Variants in CBFA2T2 observed in about 807,000 individuals in gnomAD.
The protein encoded by CBFA2T2 is protein CBFA2T2.
In CBFA2T2, 11 loss-of-function variants were observed where a neutral mutation model predicts 62.2. The ratio of observed to expected loss-of-function variants is 0.18; its 90% confidence interval spans 0.11 to 0.29. The LOEUF is 0.29. Among genes scored for constraint, CBFA2T2 ranks in the 10% least tolerant of loss-of-function variants. The probability of loss-of-function intolerance (pLI) is 1.00; values close to 1 mark genes in which losing one functional copy is unlikely to be tolerated. For synonymous variants in CBFA2T2, 295 were observed against 287.5 expected, an observed-to-expected ratio of 1.03 and a Z score of -0.27; for missense variants, 592 against 774.1, an observed-to-expected ratio of 0.76 and a Z score of 2.79.
rs190151757 is a variant in CBFA2T2, at chr20:33,586,320, A to G, written c.35-20636A>G. Among the ~76,000 whole-genome samples the G allele has an allele frequency of 3.1e-3, 466 of 152,266 alleles. 2 individuals are homozygous for G. The highest frequency in any genetic ancestry group is 9.0e-3 in the African/African-American group (372 of 41,558). ...CAGCCTCCTGAGTAGCTGGGACTAC[A>G]GGGACGGGGTTTCACTGTGTTGTTC... On this transcript the variant is annotated intron_variant, in intron 1 of 10. Coordinates refer to ENST00000342704, the MANE Select transcript of CBFA2T2 (RefSeq NM_001032999.3).
chr20:33,574,152 C>G, intron 1 of CBFA2T2: 1 of 1,600,394 alleles, frequency 6.2e-7, no homozygotes, highest in Non-Finnish European at 8.5e-7. Context: ...CCTGACTGTA[C>G]CTGTGATGTT....
At chr20:33,624,029 A>G (rs1277801861) in intron 5 of CBFA2T2, 3 of 546,798 alleles carry the variant, frequency 5.5e-6, no homozygotes, top group African/African-American at 3.8e-5. Context: ...TTTATGTCAA[A>G]CGCATTTTTT....
chr20:33,549,675 T>C (rs936543408), intron 1 of CBFA2T2, among the ~76,000 whole-genome samples: 1 of 152,152 alleles, frequency 6.6e-6, no homozygotes, highest in African/African-American at 2.4e-5. Flanking sequence ...GTAAATTTAC[T>C]AAAAATCATT....
chr20:33,532,473 T>TA (rs1568804076), intron 1 of CBFA2T2, among the ~76,000 whole-genome samples: 1 of 152,232 alleles, frequency 6.6e-6, no homozygotes. Context: ...ACATTTATGT[T>TA]ACATTTATAA....
At chr20:33,561,701 A>G (rs1210798092) in intron 1 of CBFA2T2, among the ~76,000 whole-genome samples, 2 of 152,188 alleles carry the variant, frequency 1.3e-5, no homozygotes, top group African/African-American at 4.8e-5. Context: ...TTATATTAGC[A>G]GTTATTTTAA....
chr20:33,529,743 T>TTTTATA (rs1163402861), intron 1 of CBFA2T2, among the ~76,000 whole-genome samples: 238 of 3,984 alleles, frequency 0.06, 10 homozygotes, highest in East Asian at 0.19. Context: ...AAGAAAGCAG[T>TTTTATA]TATATATATA....
intron 1 of CBFA2T2, among the ~76,000 whole-genome samples, chr20:33,530,617 A>G (rs901980341): frequency 2.0e-5 from 3 of 150,782 alleles, no homozygotes; most frequent in Non-Finnish European, 4.4e-5. Flanking sequence ...GGGTTTCACT[A>G]TGTTGGCCAG....
intron 1 of CBFA2T2, among the ~76,000 whole-genome samples, chr20:33,519,259 C>G (rs1204649011): frequency 6.6e-6 from 1 of 152,124 alleles, no homozygotes; most frequent in Admixed American, 6.6e-5. Context: ...CACCTGAGAT[C>G]AGGAGTTCGA....
intron 1 of CBFA2T2, among the ~76,000 whole-genome samples, chr20:33,491,692 CTG>C (rs1284068581): frequency 6.6e-6 from 1 of 151,776 alleles, no homozygotes; most frequent in Non-Finnish European, 1.5e-5. Flanking sequence ...TACAGCATCT[CTG>C]TAAAATGAAA....
chr20:33,534,580 T>G (rs1021448088), intron 1 of CBFA2T2, among the ~76,000 whole-genome samples: 1 of 152,150 alleles, frequency 6.6e-6, no homozygotes, highest in Non-Finnish European at 1.5e-5. Flanking sequence ...CCCAAAGTGC[T>G]GAGATTATAG....
intron 5 of CBFA2T2, among the ~76,000 whole-genome samples, chr20:33,624,494 A>C (rs2016138158): frequency 6.6e-6 from 1 of 152,134 alleles, no homozygotes. Flanking sequence ...TCATCTCCTT[A>C]GTCTCTCCTT....
At chr20:33,546,860 A>G (rs1436041717) in intron 1 of CBFA2T2, among the ~76,000 whole-genome samples, 1 of 152,016 alleles carries the variant, frequency 6.6e-6, no homozygotes, top group Non-Finnish European at 1.5e-5. Context: ...ATAACTCCAC[A>G]TTACCTCTCT....
chr20:33,551,658 C>T (rs919180427), intron 1 of CBFA2T2, among the ~76,000 whole-genome samples: 6 of 151,624 alleles, frequency 4.0e-5, no homozygotes, highest in Admixed American at 6.6e-5. Flanking sequence ...AGTCTCCCAT[C>T]GTAGCTGGGA....
intron 6 of CBFA2T2, among the ~76,000 whole-genome samples, chr20:33,627,976 C>T (rs2016306616): frequency 6.6e-6 from 1 of 152,234 alleles, no homozygotes; most frequent in Non-Finnish European, 1.5e-5. Context: ...TACCAGTACA[C>T]ACGCTAGTTT....
At chr20:33,609,366 G>T (rs1307509665) in intron 2 of CBFA2T2, among the ~76,000 whole-genome samples, 1 of 152,078 alleles carries the variant, frequency 6.6e-6, no homozygotes, top group African/African-American at 2.4e-5. Context: ...GCTGGATGTG[G>T]TGGTGCGTGC....
chr20:33,575,080 G>A (rs2013760958), intron 1 of CBFA2T2, among the ~76,000 whole-genome samples: 2 of 152,188 alleles, frequency 1.3e-5, no homozygotes, highest in South Asian at 4.1e-4. Context: ...GGATGAAAAA[G>A]TAAATTTGGG....
At chr20:33,502,095 C>T (rs535881664) in intron 1 of CBFA2T2, among the ~76,000 whole-genome samples, 2 of 152,246 alleles carry the variant, frequency 1.3e-5, no homozygotes, top group South Asian at 2.1e-4. Context: ...TGGCACTAGC[C>T]GGGATTATAG....
At position 33,609,075 on chromosome 20, in the gene CBFA2T2, AC is replaced by A. The variant is rs1469083411; in HGVS notation, c.178+1979del. On this transcript the variant is annotated intron_variant, in intron 2 of 10. Coordinates refer to ENST00000342704, the MANE Select transcript of CBFA2T2 (RefSeq NM_001032999.3). Reference sequence around the variant, plus strand: ...ATCATTCAGCAGCATTTTCCTAAACACCCTTTGCTGAACAAAGCAAAAATAT... The same window carrying A: ...ATCATTCAGCAGCATTTTCCTAAACACCTTTGCTGAACAAAGCAAAAATAT... 4.6e-5 allele frequency among the ~76,000 whole-genome samples: 7 copies of A among 152,320 alleles called. No individual in the cohort carries two copies. The East Asian group carries it at 5.8e-4, about 13-fold the overall frequency.
At chr20:33,605,602 G>A (rs1268536930) in intron 1 of CBFA2T2, among the ~76,000 whole-genome samples, 2 of 152,048 alleles carry the variant, frequency 1.3e-5, no homozygotes, top group Admixed American at 1.3e-4. Context: ...CTGGAATTTT[G>A]TTGCCATTTA....
Sources: gnomAD v4.1 joint callset for allele counts (sites outside exome capture counted in the v4.1 genomes callset) on GRCh38, gnomAD v4.1.1 for gene constraint, MANE v1.5 for transcripts, NCBI Gene and HGNC (gene_info 2026-07-23, HGNC 2026-07-21) for gene names.